The following PTPRD variants were observed in gnomAD, a reference collection of about 807,000 sequenced individuals.
PTPRD encodes the protein protein tyrosine phosphatase receptor type D.
Under a neutral mutation model 214.5 loss-of-function variants are expected in PTPRD, and 34 were observed. The ratio of observed to expected loss-of-function variants is 0.16; its 90% confidence interval spans 0.12 to 0.21. PTPRD has a LOEUF of 0.21. Among genes scored for constraint, PTPRD ranks in the 10% least tolerant of loss-of-function variants. The pLI is 1.00. For synonymous variants in PTPRD, 1,128 were observed against 845.7 expected, an observed-to-expected ratio of 1.33 and a Z score of -5.79; for missense variants, 2,545 against 2,398.7, an observed-to-expected ratio of 1.06 and a Z score of -1.27.
chr9:10,032,009 C>T (rs2097090543), intron 4 of PTPRD, among the ~76,000 whole-genome samples: 1 of 152,028 alleles, frequency 6.6e-6, no homozygotes, highest in South Asian at 2.1e-4. Context: ...TCTGGAATGT[C>T]TTGAATTTGT....
At chr9:8,952,451 A>G (rs1382147701) in intron 11 of PTPRD, among the ~76,000 whole-genome samples, 1 of 152,002 alleles carries the variant, frequency 6.6e-6, no homozygotes, top group Admixed American at 6.6e-5. Flanking sequence ...AAACCATATC[A>G]ACTAAACATA....
In PTPRD at chr9:10,363,991, G is replaced by GTTTTTTTGTTGCTTTTTTTTTTTTTTTT. The variant is rs1485501417; in HGVS notation, c.-599-22975_-599-22974insAAAAAAAAAAAAAAAAGCAACAAAAAAA. Among the ~76,000 whole-genome samples, 2 of 35,132 alleles carry GTTTTTTTGTTGCTTTTTTTTTTTTTTTT rather than the reference G, an allele frequency of 5.7e-5. 1 individual carries two copies. 23.0% of individuals were successfully genotyped at this position (35,132 alleles called of 152,430 possible). A position where few individuals can be genotyped will look rare whatever the true frequency, so the allele number is the denominator to read the frequency against. On this transcript the variant is annotated intron_variant, in intron 2 of 45. Coordinates refer to ENST00000381196, the MANE Select transcript of PTPRD (RefSeq NM_002839.4). Reference sequence around the variant, plus strand: ...ATTATTATTGCCTCCACATTTTCGGGTTTTTTTTTTTTTTTTTTTTTTTTT... The same window carrying GTTTTTTTGTTGCTTTTTTTTTTTTTTTT: ...ATTATTATTGCCTCCACATTTTCGGGTTTTTTTGTTGCTTTTTTTTTTTTTTTTTTTTTTTTTTTTTTTTTTTTTTTTT...
chr9:9,531,058 A>T (rs1444452343), intron 8 of PTPRD, among the ~76,000 whole-genome samples: 1 of 152,174 alleles, frequency 6.6e-6, no homozygotes, highest in Non-Finnish European at 1.5e-5. Context: ...ACACACAGAA[A>T]TGATAAATGT....
chr9:8,777,966 G>C (rs923411092), intron 11 of PTPRD, among the ~76,000 whole-genome samples: 2 of 152,148 alleles, frequency 1.3e-5, no homozygotes, highest in African/African-American at 4.8e-5. Context: ...CCAATCCACA[G>C]AGCGTCTTCC....
chr9:10,408,892 T>G (rs1359659649), intron 2 of PTPRD, among the ~76,000 whole-genome samples: 1 of 151,716 alleles, frequency 6.6e-6, no homozygotes, highest in Non-Finnish European at 1.5e-5. Context: ...GATATTGTTA[T>G]TTTCATCCTT....
chr9:8,405,168 C>T (rs2092840678), intron 35 of PTPRD, among the ~76,000 whole-genome samples: 1 of 152,102 alleles, frequency 6.6e-6, no homozygotes, highest in South Asian at 2.1e-4. Flanking sequence ...AAGGTTTTGT[C>T]TGTTTCTCTG....
chr9:9,184,989 A>G (rs2099930456), intron 9 of PTPRD, among the ~76,000 whole-genome samples: 1 of 152,104 alleles, frequency 6.6e-6, no homozygotes, highest in South Asian at 2.1e-4. Flanking sequence ...AGTGGAACAC[A>G]TCAAAATATG....
intron 4 of PTPRD, among the ~76,000 whole-genome samples, chr9:9,959,271 A>G (rs964912475): frequency 1.3e-5 from 2 of 152,212 alleles, no homozygotes; most frequent in African/African-American, 2.4e-5. Context: ...TTACAATTAT[A>G]TATTATTCTA....
chr9:9,074,211 T>A (rs377332204), intron 10 of PTPRD, among the ~76,000 whole-genome samples: 3 of 152,182 alleles, frequency 2.0e-5, no homozygotes, highest in Non-Finnish European at 2.9e-5. Context: ...GCTTCCTTTT[T>A]CCTGAGTTTT....
intron 2 of PTPRD, among the ~76,000 whole-genome samples, chr9:10,548,249 A>C (rs1211731626): frequency 1.3e-5 from 2 of 152,130 alleles, no homozygotes; most frequent in African/African-American, 4.8e-5. Context: ...TTTCCTTTTA[A>C]ATGTAAGTAA....
At chr9:9,451,032 C>A (rs147808254) in intron 8 of PTPRD, among the ~76,000 whole-genome samples, 3 of 149,536 alleles carry the variant, frequency 2.0e-5, no homozygotes, top group African/African-American at 7.4e-5. Flanking sequence ...CATCACTGAG[C>A]TAGCAAGACA....
intron 2 of PTPRD, among the ~76,000 whole-genome samples, chr9:10,457,467 C>A (rs554967761): frequency 1.3e-5 from 2 of 152,126 alleles, no homozygotes; most frequent in African/African-American, 4.8e-5. Flanking sequence ...AGTGTCTTCA[C>A]GTGTATTAGT....
At chr9:9,102,329 C>T (rs150947281) in intron 10 of PTPRD, among the ~76,000 whole-genome samples, 2 of 152,292 alleles carry the variant, frequency 1.3e-5, no homozygotes, top group Non-Finnish European at 1.5e-5. Context: ...CATTCTATGG[C>T]CACCAACAGG....
chr9:9,184,413 T>A (rs999384968), intron 9 of PTPRD, among the ~76,000 whole-genome samples: 32 of 152,080 alleles, frequency 2.1e-4, no homozygotes, highest in African/African-American at 7.7e-4. Context: ...ATAGGTTAAA[T>A]CCCTAAGGAC....
At chr9:10,515,887 C>T (rs548666342) in intron 2 of PTPRD, among the ~76,000 whole-genome samples, 3 of 151,860 alleles carry the variant, frequency 2.0e-5, no homozygotes, top group Non-Finnish European at 4.4e-5. Context: ...CAAGGCTCAT[C>T]CATGTTGTCA....
chr9:9,384,015 G>A (rs2063099160), intron 9 of PTPRD, among the ~76,000 whole-genome samples: 1 of 151,606 alleles, frequency 6.6e-6, no homozygotes. Context: ...AGTCTAATAA[G>A]CATAAACCTA....
chr9:8,618,579 G>C (rs758452548), intron 14 of PTPRD, among the ~76,000 whole-genome samples: 14 of 152,044 alleles, frequency 9.2e-5, no homozygotes, highest in Non-Finnish European at 1.5e-4. Flanking sequence ...CAAAGAGAAA[G>C]CCATGGAGTC....
At chr9:9,785,275 T>A (rs1197222059) in intron 5 of PTPRD, among the ~76,000 whole-genome samples, 1 of 152,038 alleles carries the variant, frequency 6.6e-6, no homozygotes, top group Non-Finnish European at 1.5e-5. Flanking sequence ...ATACCAAAAT[T>A]ACTGGGTGAA....
chr9:8,723,542 T>C (rs998053892), intron 12 of PTPRD, among the ~76,000 whole-genome samples: 1 of 152,166 alleles, frequency 6.6e-6, no homozygotes, highest in African/African-American at 2.4e-5. Flanking sequence ...ATCTGGCTTA[T>C]TGGAGGCACA....
Sources: allele counts gnomAD v4.1 joint callset (sites outside exome capture counted in the v4.1 genomes callset), GRCh38; gene constraint gnomAD v4.1.1; transcripts MANE v1.5; gene names NCBI Gene and HGNC (gene_info 2026-07-23, HGNC 2026-07-21).